Variants in SYNDIG1L observed in about 807,000 individuals in gnomAD.
SYNDIG1L encodes synapse differentiation inducing 1 like.
A neutral mutation model predicts 20.1 loss-of-function variants in SYNDIG1L; 13 were observed. The observed-to-expected ratio is 0.65, with a 90% CI of 0.42 to 1.03. SYNDIG1L has a LOEUF of 1.03. Ranked by LOEUF, SYNDIG1L falls within the 50% of genes least tolerant of loss-of-function variation. The pLI is 0.00. For synonymous variants in SYNDIG1L, 128 were observed against 129.3 expected (o/e 0.99, Z 0.07); for missense variants, 294 against 305.1 (o/e 0.96, Z 0.27).
upstream of SYNDIG1L, among the ~76,000 whole-genome samples, chr14:74,429,334 C>A (rs570902455): frequency 3.5e-4 from 54 of 152,366 alleles, no homozygotes; most frequent in Non-Finnish European, 4.1e-4. Context: ...AAATCCAACC[C>A]TAGAGGGTTC....
the SYNDIG1L span, chr14:74,474,413 G>A: frequency 6.6e-6 from 1 of 152,320 alleles, no homozygotes; most frequent in Admixed American, 6.5e-5. Flanking sequence ...GGGAAGCTGA[G>A]GGGGTTGGCC....
chr14:74,409,663 T>TC lies in SYNDIG1L; in HGVS notation c.81dup (p.Thr28AspfsTer61). 1 of 1,496,538 alleles carries TC rather than the reference T, an allele frequency of 6.7e-7. No individual in the cohort carries two copies. The highest frequency in any genetic ancestry group is 8.9e-7 in the Non-Finnish European group (1 of 1,123,836). 92.7% of individuals were successfully genotyped at this position (1,496,538 alleles called of 1,614,324 possible). ...TCCTGGCAGGACCAGCTGGGTGGGG[T>TC]CTCCGGGTAGGGATAGGGGCCATGG... is the stretch of plus-strand genomic sequence containing the variant. On this transcript the variant is annotated frameshift_variant, in exon 2 of 4. Coordinates refer to ENST00000331628, the MANE Select transcript of SYNDIG1L (RefSeq NM_001105579.2). LOFTEE classifies it high-confidence loss of function.
rs1045121526 is a variant in SYNDIG1L, at chr14:74,407,215, C to T, written c.*320G>A. ...GGTAGGTGGTGGGCTGGCTGTAGGG[C>T]AGGAGATCCTCTAGGGAATGGGCAG... is the stretch of plus-strand genomic sequence containing the variant. On this transcript the variant is annotated 3_prime_UTR_variant, in exon 4 of 4. Coordinates refer to ENST00000331628, the MANE Select transcript of SYNDIG1L (RefSeq NM_001105579.2). 2.6e-6 allele frequency: 1 copy of T among 386,516 alleles called. No individual in the cohort carries two copies. The highest frequency in any genetic ancestry group is 2.1e-5 in the African/African-American group (1 of 47,216). The allele number at this position is 386,516 out of a possible 1,614,324, so 23.9% of individuals were successfully genotyped here.
At chr14:74,410,898 G>T (rs1306027249) in intron 1 of SYNDIG1L, among the ~76,000 whole-genome samples, 4 of 152,112 alleles carry the variant, frequency 2.6e-5, no homozygotes, top group Non-Finnish European at 4.4e-5. Context: ...TGGGTTCTGA[G>T]GTCTGGACCT....
In SYNDIG1L at chr14:74,407,944, T is replaced by G. The variant is rs1448570580; in HGVS notation, c.463A>C (p.Thr155Pro). Residue 155 changes from threonine to proline, a missense_variant, in exon 3 of 4, where the codon ACG becomes CCG. Physicochemically the swap from Thr to Pro is conservative, Grantham distance 38. Transcript: ENST00000331628. ...CCCAGGTGGTCCCTGGGAGGCAGCG[T>G]GAGGAAGTTGTCTTCACTTTCACTC... ...TESESEDNFL[T>P]LPPRDHLGLT... The G allele has an allele frequency of 3.7e-6, 6 of 1,613,748 alleles. No individual in the cohort carries two copies. The highest frequency in any genetic ancestry group is 4.2e-6 in the Non-Finnish European group (5 of 1,179,820).
Position 74,409,366 on chromosome 14 carries a change from C to T in SYNDIG1L, c.379G>A (p.Glu127Lys). The T allele has an allele frequency of 6.3e-7, 1 of 1,589,394 alleles. No individual in the cohort carries two copies. Among genetic ancestry groups the T allele is most frequent in the Non-Finnish European group, 8.6e-7 (1 of 1,168,958 alleles). ...IQTVSYGVQE[E>K]LRDQEDDQEE... ...TGGTCATCCTCCTGGTCCCGCAGCT[C>T]CTCTTGTACCCCATAGGACACAGTC... is the stretch of plus-strand genomic sequence containing the variant. Residue 127 changes from glutamate (E) to lysine (K), a missense_variant, in exon 2 of 4, where the codon GAG (glutamate) becomes AAG (lysine). Transcript: ENST00000331628.
chr14:74,474,692 C>G, the SYNDIG1L span: 21 of 152,352 alleles, frequency 1.4e-4, no homozygotes, highest in African/African-American at 4.1e-4. Flanking sequence ...ATCTTACAGA[C>G]AGATGACAGC....
chr14:74,452,687 A>G, the SYNDIG1L span, among the ~76,000 whole-genome samples: 2 of 152,216 alleles, frequency 1.3e-5, no homozygotes, highest in Admixed American at 6.5e-5. Flanking sequence ...CCATTTCTCA[A>G]AAGTTAAATA....
At chr14:74,414,906 C>G (rs2086162773) in intron 1 of SYNDIG1L, among the ~76,000 whole-genome samples, 1 of 152,088 alleles carries the variant, frequency 6.6e-6, no homozygotes, top group Non-Finnish European at 1.5e-5. Context: ...AAGGAATCAC[C>G]AAGGGAGTAA....
chr14:74,462,887 A>G, the SYNDIG1L span, among the ~76,000 whole-genome samples: 2 of 152,168 alleles, frequency 1.3e-5, no homozygotes, highest in African/African-American at 4.8e-5. Flanking sequence ...TCATGGGTCA[A>G]GGAGCAACTG....
chr14:74,436,711 G>A, the SYNDIG1L span, among the ~76,000 whole-genome samples: 4 of 152,110 alleles, frequency 2.6e-5, no homozygotes, highest in East Asian at 3.9e-4. Context: ...TTAGTCAGGC[G>A]TGGTGGGACG....
the SYNDIG1L span, among the ~76,000 whole-genome samples, chr14:74,449,984 G>T: frequency 6.6e-6 from 1 of 151,924 alleles, no homozygotes; most frequent in East Asian, 1.9e-4. Flanking sequence ...AGACTGAGTA[G>T]GAAAAAAAGA....
At chr14:74,468,057 G>A in the SYNDIG1L span, among the ~76,000 whole-genome samples, 1 of 152,054 alleles carries the variant, frequency 6.6e-6, no homozygotes, top group Non-Finnish European at 1.5e-5. Context: ...AAGGCTCCCT[G>A]TGCAGAGGGA....
At chr14:74,454,349 G>A in the SYNDIG1L span, among the ~76,000 whole-genome samples, 1 of 152,206 alleles carries the variant, frequency 6.6e-6, no homozygotes, top group African/African-American at 2.4e-5. Flanking sequence ...CAGTTAGAAT[G>A]TTCCTAACAC....
chr14:74,438,036 C>A, the SYNDIG1L span, among the ~76,000 whole-genome samples: 1 of 152,120 alleles, frequency 6.6e-6, no homozygotes. Flanking sequence ...AAACTCTTGG[C>A]ACCAGATGTT....
At chr14:74,454,241 T>C in the SYNDIG1L span, among the ~76,000 whole-genome samples, 1 of 151,988 alleles carries the variant, frequency 6.6e-6, no homozygotes, top group Non-Finnish European at 1.5e-5. Context: ...AAGTACTACC[T>C]ACTATTGTTT....
At chr14:74,438,794 G>A in the SYNDIG1L span, among the ~76,000 whole-genome samples, 8 of 152,090 alleles carry the variant, frequency 5.3e-5, no homozygotes, top group Admixed American at 5.2e-4. Flanking sequence ...TACCTGCCAC[G>A]TTCTGTACAA....
chr14:74,455,394 CTT>C, the SYNDIG1L span, among the ~76,000 whole-genome samples: 15 of 123,722 alleles, frequency 1.2e-4, no homozygotes, highest in South Asian at 5.2e-4. Context: ...CTTCCCCAAT[CTT>C]TTTTTTTTTT....
chr14:74,456,387 G>A, the SYNDIG1L span, among the ~76,000 whole-genome samples: 7 of 152,036 alleles, frequency 4.6e-5, no homozygotes, highest in Non-Finnish European at 5.9e-5. Flanking sequence ...AAAATTTGCC[G>A]GGCCTGGTGG....
Sources: allele counts gnomAD v4.1 joint callset (sites outside exome capture counted in the v4.1 genomes callset), GRCh38; gene constraint gnomAD v4.1.1; transcripts MANE v1.5; gene names NCBI Gene and HGNC (gene_info 2026-07-23, HGNC 2026-07-21).